SH3PXD2B: variants seen among roughly 807,000 people sequenced by gnomAD.
The protein encoded by SH3PXD2B is SH3 and PX domain-containing protein 2B.
Under a neutral mutation model 73.1 loss-of-function variants are expected in SH3PXD2B, and 37 were observed. The ratio of observed to expected loss-of-function variants is 0.51; its 90% confidence interval spans 0.39 to 0.67. The LOEUF (loss-of-function observed/expected upper bound fraction) is 0.67, where lower values mean the gene tolerates loss of function less well. Among genes scored for constraint, SH3PXD2B ranks in the 30% least tolerant of loss-of-function variants. The pLI is 0.00. For missense variants in SH3PXD2B, 1,053 were observed against 1,197.8 expected (o/e 0.88, Z 1.78); for synonymous variants, 457 against 480.5 (o/e 0.95, Z 0.64).
At position 172,333,938 on chromosome 5, in the gene SH3PXD2B, G is replaced by A; in HGVS notation, c.*4431C>T. On this transcript the variant is annotated 3_prime_UTR_variant, in exon 13 of 13. Coordinates refer to ENST00000311601, the MANE Select transcript of SH3PXD2B (RefSeq NM_001017995.3). ...ATGGGCACACACTGGGGTAAAATGT[G>A]GACACCATCGTTGCATTAGAATTGC... The A allele has an allele frequency of 8.0e-7, 1 of 1,243,582 alleles. No individual in the cohort carries two copies. Among genetic ancestry groups the A allele is most frequent in the Non-Finnish European group, 1.0e-6 (1 of 973,328 alleles). The allele number at this position is 1,243,582 out of a possible 1,614,324, so 77.0% of individuals were successfully genotyped here.
intron 1 of SH3PXD2B, among the ~76,000 whole-genome samples, chr5:172,448,039 AAT>A (rs1257001931): frequency 2.0e-5 from 3 of 152,224 alleles, no homozygotes; most frequent in Non-Finnish European, 4.4e-5. Flanking sequence ...CAAAGAAAGC[AAT>A]AGTCGTTAAA....
Position 172,391,589 on chromosome 5 carries a change from A to G in SH3PXD2B, c.309+2974T>C, listed in dbSNP as rs182668900. 3.9e-5 allele frequency among the ~76,000 whole-genome samples: 6 copies of G among 152,164 alleles called. No individual in the cohort carries two copies. The East Asian group carries it at 9.7e-4, about 25-fold the overall frequency. On this transcript the variant is annotated intron_variant, in intron 4 of 12. Coordinates refer to ENST00000311601, the MANE Select transcript of SH3PXD2B (RefSeq NM_001017995.3). ...GCCATCCTCCCACTTCAGCCTCCCA[A>G]GTAGCTGGGATTACAAGCGTGTGCC...
chr5:172,346,285 A>AT, intron 11 of SH3PXD2B, 24 bp from the exon 12 acceptor site: 2 of 1,613,244 alleles, frequency 1.2e-6, no homozygotes, highest in Non-Finnish European at 1.7e-6. Flanking sequence ...ACACAGGGTT[A>AT]TCTCCAAGGC....
rs777442300 is a variant in SH3PXD2B at position 172,347,345 on chromosome 5, G to A, written c.1013-13C>T. Reference sequence around the variant, plus strand: ...ATCTTTGGTGATCCTATGGAGAAATGAGAGCTTATTACATCTTGTGCTACA... The same window carrying A: ...ATCTTTGGTGATCCTATGGAGAAATAAGAGCTTATTACATCTTGTGCTACA... On this transcript the variant is annotated splice_polypyrimidine_tract_variant and intron_variant, in intron 10 of 12. Transcript: ENST00000311601. 4.3e-6 allele frequency: 7 copies of A among 1,613,882 alleles called. No individual in the cohort carries two copies. Among genetic ancestry groups the A allele is most frequent in the East Asian group, 4.5e-5 (2 of 44,862 alleles).
intron 6 of SH3PXD2B, 131 bp downstream of exon 6, chr5:172,373,659 C>A: frequency 9.5e-7 from 1 of 1,049,154 alleles, no homozygotes; most frequent in South Asian, 1.5e-5. Context: ...CCTTCCCTCC[C>A]TCCTGCCAAC....
chr5:172,339,700 G>T lies in SH3PXD2B; in HGVS notation c.1405C>A (p.Pro469Thr). 1 of 1,614,244 alleles carries T rather than the reference G, an allele frequency of 6.2e-7. No homozygotes were observed. Residue 469 changes from proline (P) to threonine (T), a missense_variant, in exon 13 of 13, where the codon CCC becomes ACC. Around this residue, in one of 2 missense-constraint regions of SH3PXD2B, gnomAD observed 587 missense variants for 590.7 expected, o/e 0.99. Coordinates refer to ENST00000311601, the MANE Select transcript of SH3PXD2B (RefSeq NM_001017995.3). This position sits in a 1 kb window ranked among gnomAD's most constrained non-coding sequence, Gnocchi z 6.1. The part of the protein sequence containing the change: ...TGSEATGPSR[P>T]LPDAPHGVMD... Reference sequence around the variant, plus strand: ...ACACCATGCGGTGCGTCAGGCAGGGGCCGGGAGGGGCCCGTGGCTTCGCTG... The same window carrying T: ...ACACCATGCGGTGCGTCAGGCAGGGTCCGGGAGGGGCCCGTGGCTTCGCTG...
At chr5:172,382,007 C>T in intron 5 of SH3PXD2B, 29 bp downstream of exon 5, 1 of 1,574,954 alleles carries the variant, frequency 6.3e-7, no homozygotes. Context: ...TGTGGGGCTC[C>T]ATCTGGGGAA....
intron 1 of SH3PXD2B, among the ~76,000 whole-genome samples, chr5:172,439,656 C>A (rs1759495989): frequency 6.8e-6 from 1 of 148,038 alleles, no homozygotes; most frequent in Admixed American, 6.7e-5. Flanking sequence ...GCTGTAAAAA[C>A]CAGGTATGTG....
chr5:172,337,236 C>G lies in SH3PXD2B; in HGVS notation c.*1133G>C. 2 of 985,406 alleles carry G rather than the reference C, an allele frequency of 2.0e-6. No individual in the cohort carries two copies. The highest frequency in any genetic ancestry group is 9.4e-5 in the South Asian group (2 of 21,288). 61.0% of individuals were successfully genotyped at this position (985,406 alleles called of 1,614,324 possible). ...GTGGGTGTGGGAGCAGCCACGAATG[C>G]CCCCTCACCCCCCTCACAATGAAGC... On this transcript the variant is annotated 3_prime_UTR_variant, in exon 13 of 13. Transcript: ENST00000311601.
At chr5:172,422,740 C>A (rs1759000993) in intron 1 of SH3PXD2B, among the ~76,000 whole-genome samples, 1 of 152,242 alleles carries the variant, frequency 6.6e-6, no homozygotes, top group South Asian at 2.1e-4. Context: ...TGCAGTGGCA[C>A]CACATCAGCT....
intron 7 of SH3PXD2B, among the ~76,000 whole-genome samples, chr5:172,361,830 C>T (rs1176476587): frequency 6.6e-6 from 1 of 152,200 alleles, no homozygotes; most frequent in Admixed American, 6.5e-5. Context: ...ATGCCACCAC[C>T]ATCCAGATGA....
Position 172,335,282 on chromosome 5 carries a change from GC to G in SH3PXD2B, c.*3086del, listed in dbSNP as rs1756660381. 5.3e-6 allele frequency: 6 copies of G among 1,129,876 alleles called. No individual in the cohort carries two copies. The highest frequency in any genetic ancestry group is 3.7e-4 in the Middle Eastern group (1 of 2,708). 70.0% of individuals were successfully genotyped at this position (1,129,876 alleles called of 1,614,324 possible). ...TGCCCACCTTTTGGGCTGCCATTTG[GC>G]CTGTGACCTACTGAAATGTGTGAGC... On this transcript the variant is annotated 3_prime_UTR_variant, in exon 13 of 13. Coordinates refer to ENST00000311601, the MANE Select transcript of SH3PXD2B (RefSeq NM_001017995.3).
At chr5:172,346,518 A>G (rs952851172) in intron 11 of SH3PXD2B, among the ~76,000 whole-genome samples, 3 of 152,064 alleles carry the variant, frequency 2.0e-5, no homozygotes, top group African/African-American at 7.2e-5. Flanking sequence ...GGAGCAAGAC[A>G]ATATTCTCTG....
At chr5:172,393,138 A>C (rs1758226587) in intron 4 of SH3PXD2B, among the ~76,000 whole-genome samples, 1 of 152,248 alleles carries the variant, frequency 6.6e-6, no homozygotes, top group Non-Finnish European at 1.5e-5. Context: ...TGTATTGAAT[A>C]TGTAGATTCA....
rs374594864 is a variant in SH3PXD2B at position 172,339,457 on chromosome 5, G to A, written c.1648C>T (p.Arg550Trp). The A allele has an allele frequency of 6.0e-5, 97 of 1,613,894 alleles. No homozygotes were observed. Among genetic ancestry groups the A allele is most frequent in the African/African-American group, 3.7e-4 (28 of 75,046 alleles). ...ERERQRTEQL[R>W]GPTPKPPGVI... is the part of the protein sequence containing the mutation. ...CCCGGAGGCTTGGGAGTGGGGCCCC[G>A]GAGCTGCTCCGTCCTCTGCCGCTCC... Residue 550 changes from arginine to tryptophan, a missense_variant, in exon 13 of 13, where the codon CGG becomes TGG. Arg to Trp is a moderately radical substitution (Grantham distance 101). Transcript: ENST00000311601. The surrounding 1 kb of genome is among the most constrained non-coding windows in gnomAD (Gnocchi z 6.1).
At chr5:172,416,794 G>A (rs559755540) in intron 2 of SH3PXD2B, among the ~76,000 whole-genome samples, 6 of 137,454 alleles carry the variant, frequency 4.4e-5, no homozygotes, top group East Asian at 2.2e-4. Flanking sequence ...CTGCAGCCTC[G>A]ACCTGCTAGG....
intron 2 of SH3PXD2B, 43 bp from the exon 3 acceptor site, chr5:172,406,395 G>A: frequency 6.3e-7 from 1 of 1,580,830 alleles, no homozygotes; most frequent in East Asian, 2.2e-5. Context: ...CTTTCATAAT[G>A]CACTAAACAT....
rs10625047 is a variant in SH3PXD2B at position 172,373,580 on chromosome 5, GCATCCATCCATCCATCCATCCATC to G, written c.427+186_427+209del. Among the ~76,000 whole-genome samples, 281 of 147,776 alleles carry G rather than the reference GCATCCATCCATCCATCCATCCATC, an allele frequency of 1.9e-3. 2 individuals are homozygous for G. Among genetic ancestry groups the G allele is most frequent in the Admixed American group, 0.016 (237 of 14,680 alleles). On this transcript the variant is annotated intron_variant, in intron 6 of 12. Transcript: ENST00000311601. ...GATGGGGTATCAACCAATCAATCAA[GCATCCATCCATCCATCCATCCATC>G]CATCCATCCATCCATCCCTCCACCA...
At chr5:172,441,145 A>T (rs1759543043) in intron 1 of SH3PXD2B, among the ~76,000 whole-genome samples, 1 of 152,220 alleles carries the variant, frequency 6.6e-6, no homozygotes, top group Admixed American at 6.5e-5. Flanking sequence ...TGTGTCCACT[A>T]AACTAGACTA....
Sources: gnomAD v4.1 joint callset for allele counts (sites outside exome capture counted in the v4.1 genomes callset) on GRCh38, gnomAD v4.1.1 for gene constraint, gnomAD v4.1.1 regional missense constraint, Gnocchi (gnomAD v3.1) non-coding constraint, MANE v1.5 for transcripts, NCBI Gene and HGNC (gene_info 2026-07-23, HGNC 2026-07-21) for gene names.